The following GCFC2 variants were observed in gnomAD, a reference collection of about 807,000 sequenced individuals.
The protein encoded by GCFC2 is intron Large complex component GCFC2.
GCFC2 carries 102 observed loss-of-function variants against 99.4 expected under a neutral mutation model. The ratio of observed to expected loss-of-function variants is 1.03; its 90% confidence interval spans 0.87 to 1.21. The LOEUF is 1.21. Among genes scored for constraint, GCFC2 ranks in the 50% most tolerant of loss-of-function variants. GCFC2 has a pLI of 0.00. For synonymous variants in GCFC2, 338 were observed against 316.8 expected (o/e 1.07, Z -0.71); for missense variants, 973 against 920.9 (o/e 1.06, Z -0.73).
intron 12 of GCFC2, chr2:75,679,896 T>C (rs934897175): frequency 1.9e-5 from 8 of 415,180 alleles, no homozygotes; most frequent in Non-Finnish European, 3.4e-5. Flanking sequence ...TCCTTACATG[T>C]ATGTCTATAA....
intron 2 of GCFC2, among the ~76,000 whole-genome samples, chr2:75,705,481 G>C (rs966433497): frequency 1.3e-5 from 2 of 151,648 alleles, no homozygotes; most frequent in African/African-American, 4.8e-5. Flanking sequence ...AAATTAGCCA[G>C]GCGTGGTGGC....
intron 15 of GCFC2, 84 bp from the exon 16 acceptor site, chr2:75,666,137 C>A: frequency 1.0e-6 from 1 of 961,838 alleles, no homozygotes; most frequent in South Asian, 1.9e-5. Flanking sequence ...ATACTGTAAG[C>A]TGAGTATCAT....
chr2:75,708,786 G>A (rs971315379), intron 1 of GCFC2, among the ~76,000 whole-genome samples: 4 of 152,048 alleles, frequency 2.6e-5, no homozygotes, highest in African/African-American at 7.2e-5. Context: ...TGGGATTACA[G>A]GTGTGAGCCA....
Position 75,697,398 on chromosome 2 carries a change from T to C in GCFC2, c.718-1083A>G, listed in dbSNP as rs78054522. On this transcript the variant is annotated intron_variant, in intron 4 of 16. Transcript: ENST00000321027. ...ATATCTACAAAATCTCCAAACACTC[T>C]TGATATTTTGCAGTCAATAACCCAT... is the stretch of plus-strand genomic sequence containing the variant. Among the ~76,000 whole-genome samples, 249 of 152,342 alleles carry C rather than the reference T, an allele frequency of 1.6e-3. 1 individual carries two copies. Among genetic ancestry groups the C allele is most frequent in the African/African-American group, 5.7e-3 (237 of 41,580 alleles).
At position 75,690,652 on chromosome 2, in the gene GCFC2, CT is replaced by C. The variant is rs1356678027; in HGVS notation, c.1211del (p.Glu404GlyfsTer36). ...VDEKTQWILE[E>X]IESRRTKRRQ... The stretch of plus-strand genomic sequence containing the variant: ...TATATAGGTACCTTCGAGATTCAAT[CT>C]CTTCTAAAATCCACTGAGTTTTTTC... On this transcript the variant is annotated frameshift_variant, in exon 8 of 17. Transcript: ENST00000321027. LOFTEE classifies it high-confidence loss of function. The C allele has an allele frequency of 6.7e-7, 1 of 1,500,234 alleles. No homozygotes were observed. Among genetic ancestry groups the C allele is most frequent in the Non-Finnish European group, 9.2e-7 (1 of 1,082,126 alleles). The allele number at this position is 1,500,234 out of a possible 1,614,324, so 92.9% of individuals were successfully genotyped here.
intron 11 of GCFC2, among the ~76,000 whole-genome samples, chr2:75,680,526 T>C (rs770829413): frequency 4.3e-4 from 65 of 152,318 alleles, no homozygotes; most frequent in South Asian, 8.3e-4. Flanking sequence ...TACAGCTCTT[T>C]ATAGTTAAGT....
At chr2:75,703,446 T>C (rs1346238847) in intron 2 of GCFC2, among the ~76,000 whole-genome samples, 1 of 152,178 alleles carries the variant, frequency 6.6e-6, no homozygotes, top group East Asian at 1.9e-4. Context: ...CACAGACCAA[T>C]ATGCTTGACA....
chr2:75,705,408 G>C (rs1401405019), intron 2 of GCFC2, among the ~76,000 whole-genome samples: 1 of 151,938 alleles, frequency 6.6e-6, no homozygotes, highest in Non-Finnish European at 1.5e-5. Context: ...CAGATCAAGA[G>C]GTCAGGAGAT....
At chr2:75,706,698 G>A in intron 1 of GCFC2, 47 bp from the exon 2 acceptor site, 1 of 1,328,862 alleles carries the variant, frequency 7.5e-7, no homozygotes, top group Non-Finnish European at 1.1e-6. Context: ...CAAAATAATG[G>A]AATTATTAAT....
intron 16 of GCFC2, among the ~76,000 whole-genome samples, 182 bp downstream of exon 16, chr2:75,665,747 C>G (rs1381487366): frequency 6.6e-6 from 1 of 152,180 alleles, no homozygotes; most frequent in African/African-American, 2.4e-5. Flanking sequence ...GGGAGATTTA[C>G]ATTTTAAAAT....
intron 4 of GCFC2, among the ~76,000 whole-genome samples, chr2:75,698,619 T>A (rs560336724): frequency 9.9e-5 from 15 of 152,250 alleles, no homozygotes; most frequent in African/African-American, 3.4e-4. Flanking sequence ...CCTAGCAAAT[T>A]TAAAGGGGTG....
Position 75,680,188 on chromosome 2 carries a change from A to C in GCFC2, c.1812+5T>G. On this transcript the variant is annotated splice_donor_5th_base_variant and intron_variant, in intron 12 of 16. Coordinates refer to ENST00000321027, the MANE Select transcript of GCFC2 (RefSeq NM_003203.5). Reference sequence around the variant, plus strand: ...CATGGAGTTCGCAACTCTAGAAATTATTACCTGTCTGCTTTTACTAACTTC... The same window carrying C: ...CATGGAGTTCGCAACTCTAGAAATTCTTACCTGTCTGCTTTTACTAACTTC... 6.3e-7 allele frequency: 1 copy of C among 1,595,800 alleles called. No individual in the cohort carries two copies.
At chr2:75,683,946 C>T (rs1679700903) in intron 11 of GCFC2, among the ~76,000 whole-genome samples, 1 of 152,032 alleles carries the variant, frequency 6.6e-6, no homozygotes, top group African/African-American at 2.4e-5. Context: ...AATACGCACC[C>T]AATACAGCAG....
chr2:75,687,152 T>C (rs1436236342), intron 11 of GCFC2, among the ~76,000 whole-genome samples: 1 of 152,168 alleles, frequency 6.6e-6, no homozygotes. Context: ...GCCAGGCTGG[T>C]CTTGAACTCC....
At position 75,702,413 on chromosome 2, in the gene GCFC2, T is replaced by C. The variant is rs1680643441; in HGVS notation, c.405A>G (p.Pro135=). 1 of 1,612,920 alleles carries C rather than the reference T, an allele frequency of 6.2e-7. No individual in the cohort carries two copies. The change falls in exon 3 of 17, where the codon CCA becomes CCG. Residue 135 remains proline, a synonymous_variant. Transcript: ENST00000321027. ...GGGCTGCCTGAATAAAAGCTGCATCTGGGATCTTAACTGAAGGAAACAAAG... is the reference window on the plus strand; with the variant it reads ...GGGCTGCCTGAATAAAAGCTGCATCCGGGATCTTAACTGAAGGAAACAAAG... ...EKELSSTVKI[P]DAAFIQAARR...
chr2:75,698,535 T>C (rs150591449), intron 4 of GCFC2, among the ~76,000 whole-genome samples: 210 of 152,338 alleles, frequency 1.4e-3, no homozygotes, highest in African/African-American at 4.7e-3. Flanking sequence ...AGATAATTTA[T>C]AATATGTCAA....
intron 11 of GCFC2, among the ~76,000 whole-genome samples, chr2:75,686,056 G>A (rs1679801351): frequency 6.6e-6 from 1 of 152,118 alleles, no homozygotes; most frequent in African/African-American, 2.4e-5. Context: ...TTTGGACTCA[G>A]TCAGTGTTAA....
At chr2:75,686,483 CTAT>C (rs1679822453) in intron 11 of GCFC2, among the ~76,000 whole-genome samples, 1 of 152,130 alleles carries the variant, frequency 6.6e-6, no homozygotes, top group Admixed American at 6.5e-5. Flanking sequence ...TGACTCATGC[CTAT>C]AATCCCAGTG....
intron 12 of GCFC2, among the ~76,000 whole-genome samples, chr2:75,675,759 CAAAA>C (rs1223529153): frequency 9.4e-6 from 1 of 106,530 alleles, no homozygotes; most frequent in Non-Finnish European, 2.0e-5. Flanking sequence ...AAAAAAAAAA[CAAAA>C]AAAAGAAAAG....
Sources: allele counts gnomAD v4.1 joint callset (sites outside exome capture counted in the v4.1 genomes callset), GRCh38; gene constraint gnomAD v4.1.1; transcripts MANE v1.5; gene names NCBI Gene and HGNC (gene_info 2026-07-23, HGNC 2026-07-21).